GPA33: variants seen among roughly 807,000 people sequenced by gnomAD.
GPA33 encodes the protein glycoprotein A33, also known as cell surface A33 antigen.
Under a neutral mutation model 35.6 loss-of-function variants are expected in GPA33, and 27 were observed. The ratio of observed to expected loss-of-function variants is 0.76; its 90% confidence interval spans 0.56 to 1.04. The LOEUF is 1.04. GPA33 is among the 50% of genes least tolerant of loss of function. The pLI is 0.00. For synonymous variants in GPA33, 176 were observed against 164.0 expected (o/e 1.07, Z -0.56); for missense variants, 428 against 411.9 (o/e 1.04, Z -0.34).
intron 1 of GPA33, among the ~76,000 whole-genome samples, chr1:167,082,539 AAGGAAG>A (rs1252764722): frequency 5.3e-5 from 8 of 152,164 alleles, no homozygotes; most frequent in Admixed American, 3.3e-4. Context: ...TGCTGCCAGC[AAGGAAG>A]AGTCTGAAAG....
At chr1:167,066,495 T>G (rs918760292) in intron 3 of GPA33, among the ~76,000 whole-genome samples, 13 of 152,124 alleles carry the variant, frequency 8.5e-5, no homozygotes, top group African/African-American at 2.9e-4. Flanking sequence ...CCCTCTGGCC[T>G]CACCCAGGAA....
chr1:167,079,553 T>G (rs952317547), intron 1 of GPA33, among the ~76,000 whole-genome samples: 1 of 151,616 alleles, frequency 6.6e-6, no homozygotes, highest in Non-Finnish European at 1.5e-5. Context: ...ACTCTTTCAA[T>G]GTTCTTTGTA....
Position 167,054,722 on chromosome 1 carries a change from G to A in GPA33, c.827+254C>T, listed in dbSNP as rs936334976. On this transcript the variant is annotated intron_variant, in intron 6 of 6. Transcript: ENST00000367868. ...AACTGGCCCCGTGACAGGGGCTCCA[G>A]GCCACACTTGGCTCTAGTCATGCCA... is the stretch of plus-strand genomic sequence containing the variant. 2.6e-5 allele frequency among the ~76,000 whole-genome samples: 4 copies of A among 152,186 alleles called. 1 individual carries two copies. The South Asian group carries it at 8.3e-4, about 31-fold the overall frequency.
chr1:167,054,257 T>C lies in GPA33; in HGVS notation c.*77A>G. The stretch of plus-strand genomic sequence containing the variant: ...GATGGAGGGACAGGAGAACAGGGCT[T>C]AGAAAGGAGAAGGGAGGCCAGGAAG... On this transcript the variant is annotated 3_prime_UTR_variant, in exon 7 of 7. Coordinates refer to ENST00000367868, the MANE Select transcript of GPA33 (RefSeq NM_005814.3). The C allele has an allele frequency of 6.4e-7, 1 of 1,558,136 alleles. No individual in the cohort carries two copies. The highest frequency in any genetic ancestry group is 8.8e-7 in the Non-Finnish European group (1 of 1,140,508).
At chr1:167,067,068 A>G (rs1394731026) in intron 3 of GPA33, among the ~76,000 whole-genome samples, 2 of 152,122 alleles carry the variant, frequency 1.3e-5, no homozygotes, top group Non-Finnish European at 2.9e-5. Context: ...ATATATGTTT[A>G]TATGTATATA....
chr1:167,087,518 G>A (rs1022466452), intron 1 of GPA33, among the ~76,000 whole-genome samples: 1 of 152,174 alleles, frequency 6.6e-6, no homozygotes, highest in African/African-American at 2.4e-5. Flanking sequence ...AGCCCCCTTT[G>A]GTCCCCTGGG....
intron 4 of GPA33, among the ~76,000 whole-genome samples, chr1:167,056,836 G>A (rs1307939078): frequency 0.038 from 216 of 5,748 alleles, no homozygotes; most frequent in Non-Finnish European, 0.038. Flanking sequence ...TAGTGTGTGT[G>A]GTGAGTGTGT....
chr1:167,056,909 T>TGAGG, intron 4 of GPA33, among the ~76,000 whole-genome samples: 1 of 141,020 alleles, frequency 7.1e-6, no homozygotes, highest in Non-Finnish European at 1.6e-5. Context: ...GTGCTGCATG[T>TGAGG]GGTGTGTGTG....
chr1:167,072,890 G>T (rs918879390), intron 2 of GPA33, among the ~76,000 whole-genome samples: 13 of 152,048 alleles, frequency 8.5e-5, no homozygotes, highest in African/African-American at 1.9e-4. Flanking sequence ...GAGGATGAGG[G>T]TGTGGGAAGA....
chr1:167,072,031 A>G (rs1666732633), intron 2 of GPA33, among the ~76,000 whole-genome samples: 1 of 152,186 alleles, frequency 6.6e-6, no homozygotes, highest in Non-Finnish European at 1.5e-5. Flanking sequence ...TAAAGGCAGC[A>G]GCTCCCCTCT....
chr1:167,083,863 T>TC (rs1667002832), intron 1 of GPA33, among the ~76,000 whole-genome samples: 1 of 151,888 alleles, frequency 6.6e-6, no homozygotes, highest in African/African-American at 2.4e-5. Flanking sequence ...GGTGTATGAT[T>TC]CCCCATATGA....
intron 2 of GPA33, 129 bp downstream of exon 2, chr1:167,073,256 C>G (rs1392016921): frequency 1.3e-6 from 1 of 750,504 alleles, no homozygotes; most frequent in Non-Finnish European, 2.2e-6. Context: ...TCCCTCCCCA[C>G]CCACTCCAGC....
At chr1:167,077,733 A>C (rs372026963) in intron 1 of GPA33, among the ~76,000 whole-genome samples, 1 of 152,374 alleles carries the variant, frequency 6.6e-6, no homozygotes, top group East Asian at 1.9e-4. Context: ...TCAATGGATG[A>C]AAAATGAGTC....
chr1:167,065,090 C>T (rs1255413357), intron 3 of GPA33, among the ~76,000 whole-genome samples: 1 of 152,152 alleles, frequency 6.6e-6, no homozygotes, highest in Non-Finnish European at 1.5e-5. Flanking sequence ...TTCTACAAAC[C>T]TCACTGGGTG....
intron 1 of GPA33, among the ~76,000 whole-genome samples, chr1:167,089,359 C>G (rs1195990429): frequency 6.6e-6 from 1 of 152,180 alleles, no homozygotes; most frequent in African/African-American, 2.4e-5. Context: ...TAGCTCTTCT[C>G]CTCCCCGTTG....
intron 4 of GPA33, among the ~76,000 whole-genome samples, chr1:167,060,263 G>C (rs2013776): frequency 0.23 from 34,423 of 152,000 alleles, 4,783 homozygotes; most frequent in South Asian, 0.49. Flanking sequence ...GGTAGAGACA[G>C]GGTTTCACCA....
At chr1:167,055,624 A>C in intron 5 of GPA33, 106 bp downstream of exon 5, 2 of 1,275,492 alleles carry the variant, frequency 1.6e-6, no homozygotes, top group South Asian at 1.3e-5. Flanking sequence ...GCGTGGCCCT[A>C]GAGAGGTTCC....
intron 4 of GPA33, among the ~76,000 whole-genome samples, chr1:167,057,642 C>T (rs767943590): frequency 1.3e-5 from 2 of 152,194 alleles, no homozygotes; most frequent in Admixed American, 6.5e-5. Context: ...GTTGTCCTCT[C>T]TCCGCCCCAC....
chr1:167,072,719 C>T (rs540873983), intron 2 of GPA33, among the ~76,000 whole-genome samples: 7 of 152,192 alleles, frequency 4.6e-5, no homozygotes, highest in East Asian at 1.9e-4. Flanking sequence ...GATAAATATA[C>T]TCATATACAC....
Sources: allele counts gnomAD v4.1 joint callset (sites outside exome capture counted in the v4.1 genomes callset), GRCh38; gene constraint gnomAD v4.1.1; transcripts MANE v1.5; gene names NCBI Gene and HGNC (gene_info 2026-07-23, HGNC 2026-07-21).